Variants in RAB5B observed in about 807,000 individuals in gnomAD.
RAB5B encodes the protein RAB5B, member RAS oncogene family, also known as ras-related protein Rab-5B.
RAB5B carries 11 observed loss-of-function variants against 28.6 expected under a neutral mutation model. The observed-to-expected ratio is 0.38, with a 90% CI of 0.24 to 0.64. The LOEUF is 0.64. Ranked by LOEUF, RAB5B falls within the 30% of genes least tolerant of loss-of-function variation. RAB5B has a pLI of 0.53. For missense variants in RAB5B, 169 were observed against 265.6 expected (o/e 0.64, Z 2.53); for synonymous variants, 93 against 97.9 (o/e 0.95, Z 0.29).
rs1231043647 is a variant in RAB5B at position 55,990,670 on chromosome 12, A to G, written c.316-12A>G. 3.1e-6 allele frequency: 5 copies of G among 1,613,048 alleles called. No individual in the cohort carries two copies. The highest frequency in any genetic ancestry group is 4.2e-6 in the Non-Finnish European group (5 of 1,179,416). On this transcript the variant is annotated splice_polypyrimidine_tract_variant and intron_variant, in intron 3 of 5. Transcript: ENST00000360299. ...TCATTCCAGCCTACTCATTCTCTTC[A>G]TGTTTTCCTAGGAAACCTTTGCCCG...
At chr12:55,981,263 C>T (rs1283439061) in intron 1 of RAB5B, among the ~76,000 whole-genome samples, 1 of 152,082 alleles carries the variant, frequency 6.6e-6, no homozygotes, top group African/African-American at 2.4e-5. Context: ...AGGTTTTCAC[C>T]ACGTTGGCCA....
intron 1 of RAB5B, among the ~76,000 whole-genome samples, chr12:55,975,031 T>A (rs1176457603): frequency 1.3e-5 from 2 of 152,208 alleles, no homozygotes; most frequent in Admixed American, 6.5e-5. Context: ...TACTGTTTCA[T>A]GTCCTATGAA....
At chr12:55,990,160 AAC>A in intron 3 of RAB5B, 62 bp downstream of exon 3, 1 of 1,518,184 alleles carries the variant, frequency 6.6e-7, no homozygotes, top group South Asian at 1.2e-5. Context: ...CTATAATCCC[AAC>A]ACTTTAGGAT....
At chr12:55,987,742 A>G (rs1475154759) in intron 2 of RAB5B, among the ~76,000 whole-genome samples, 1 of 151,726 alleles carries the variant, frequency 6.6e-6, no homozygotes, top group Non-Finnish European at 1.5e-5. Flanking sequence ...AAGGCAGGAG[A>G]ATCACTTGAA....
rs1416713424 is a variant in RAB5B at position 55,995,105 on chromosome 12, T to TC, written c.*2893_*2894insC. 1.3e-5 allele frequency: 2 copies of TC among 152,040 alleles called. No homozygotes were observed. Among genetic ancestry groups the TC allele is most frequent in the Non-Finnish European group, 2.9e-5 (2 of 68,016 alleles). The allele number at this position is 152,040 out of a possible 1,614,324, so 9.4% of individuals were successfully genotyped here. A position where few individuals can be genotyped will look rare whatever the true frequency, so the allele number is the denominator to read the frequency against. ...ATGTATGTGCATATTTCTTTTTTTT[T>TC]TTTTAATTGAGACGGAGTCTCTGTC... On this transcript the variant is annotated 3_prime_UTR_variant, in exon 6 of 6. Transcript: ENST00000360299.
chr12:55,987,394 C>T (rs1272914886), intron 2 of RAB5B, among the ~76,000 whole-genome samples: 1 of 151,858 alleles, frequency 6.6e-6, no homozygotes, highest in Non-Finnish European at 1.5e-5. Context: ...AAACTCCTGA[C>T]CTCAGGTGAT....
chr12:55,986,075 C>T (rs1195513030), intron 1 of RAB5B, among the ~76,000 whole-genome samples: 1 of 152,158 alleles, frequency 6.6e-6, no homozygotes, highest in Non-Finnish European at 1.5e-5. Context: ...GCAGCAACTA[C>T]CCTTCTGCCC....
At chr12:55,991,208 A>C in intron 4 of RAB5B, 152 bp from the exon 5 acceptor site, 1 of 600,752 alleles carries the variant, frequency 1.7e-6, no homozygotes, top group Non-Finnish European at 3.0e-6. Context: ...AGTTGTCATT[A>C]AATTATGCAT....
Position 55,991,389 on chromosome 12 carries a change from C to A in RAB5B, c.468C>A (p.Ser156Arg), listed in dbSNP as rs1252665773. ...CCCAGGCATATGCAGATGACAACAGCTTATTGTTCATGGAGACTTCAGCCA... is the reference window on the plus strand; with the variant it reads ...CCCAGGCATATGCAGATGACAACAGATTATTGTTCATGGAGACTTCAGCCA... ...EEAQAYADDN[S>R]LLFMETSAKT... Residue 156 changes from serine (S) to arginine (R), a missense_variant, in exon 5 of 6, where the codon AGC (serine) becomes AGA (arginine). Around this residue, in one of 3 missense-constraint regions of RAB5B, gnomAD observed 123 missense variants for 162.4 expected, o/e 0.76. Coordinates refer to ENST00000360299, the MANE Select transcript of RAB5B (RefSeq NM_002868.4). 6 of 1,613,914 alleles carry A rather than the reference C, an allele frequency of 3.7e-6. No individual in the cohort carries two copies. The highest frequency in any genetic ancestry group is 5.1e-6 in the Non-Finnish European group (6 of 1,179,934).
chr12:55,978,677 A>G (rs1221635829), intron 1 of RAB5B, among the ~76,000 whole-genome samples: 1 of 152,214 alleles, frequency 6.6e-6, no homozygotes, highest in Non-Finnish European at 1.5e-5. Context: ...ATTTTAAGAT[A>G]AACTCCCACT....
intron 1 of RAB5B, among the ~76,000 whole-genome samples, chr12:55,977,108 G>A (rs1345962198): frequency 6.6e-6 from 1 of 152,052 alleles, no homozygotes; most frequent in South Asian, 2.1e-4. Flanking sequence ...CAGAGTAGCT[G>A]GGATTACAGG....
intron 1 of RAB5B, among the ~76,000 whole-genome samples, chr12:55,974,541 G>C (rs887705603): frequency 6.6e-5 from 10 of 152,214 alleles, no homozygotes; most frequent in Non-Finnish European, 1.2e-4. Context: ...CCGAGCCCCG[G>C]GGGTGACTGG....
intron 2 of RAB5B, among the ~76,000 whole-genome samples, chr12:55,988,759 T>C (rs1890025888): frequency 6.6e-6 from 1 of 151,914 alleles, no homozygotes; most frequent in African/African-American, 2.4e-5. Context: ...CGCCTCGGCC[T>C]CCCAAAGTGC....
intron 1 of RAB5B, chr12:55,980,480 G>C: frequency 6.3e-7 from 1 of 1,592,226 alleles, no homozygotes. Context: ...GTCAGTACTG[G>C]GAGGCTTGTT....
intron 1 of RAB5B, among the ~76,000 whole-genome samples, chr12:55,979,709 T>A (rs186899642): frequency 1.6e-4 from 25 of 152,330 alleles, no homozygotes; most frequent in Admixed American, 5.2e-4. Context: ...AAGGAAGGCC[T>A]GGGTCTTCTT....
chr12:55,987,661 C>T (rs1028008591), intron 2 of RAB5B, among the ~76,000 whole-genome samples: 3 of 151,062 alleles, frequency 2.0e-5, no homozygotes, highest in Admixed American at 2.0e-4. Flanking sequence ...GAAATCCTGT[C>T]TCTACTAAAA....
chr12:55,983,630 C>T (rs1022479100), intron 1 of RAB5B, among the ~76,000 whole-genome samples: 2 of 150,328 alleles, frequency 1.3e-5, no homozygotes, highest in African/African-American at 4.9e-5. Context: ...TGCTAACTTC[C>T]TCTTTACCCT....
At chr12:55,989,718 C>T (rs1199621504) in intron 2 of RAB5B, among the ~76,000 whole-genome samples, 1 of 152,174 alleles carries the variant, frequency 6.6e-6, no homozygotes, top group Non-Finnish European at 1.5e-5. Flanking sequence ...ATGATGTACC[C>T]CCATTCCTTA....
rs56291639 is a variant in RAB5B at position 55,996,003 on chromosome 12, A to ATTTTTTTTTTTTTT, written c.*3801_*3802insTTTTTTTTTTTTTT. On this transcript the variant is annotated 3_prime_UTR_variant, in exon 6 of 6. Transcript: ENST00000360299. ...TATATACATATATATATATATATAT[A>ATTTTTTTTTTTTTT]TTTTTTTTTTAACAACTGGTAGGAT... 2.1e-5 allele frequency: 2 copies of ATTTTTTTTTTTTTT among 97,428 alleles called. No homozygotes were observed. The highest frequency in any genetic ancestry group is 9.5e-5 in the African/African-American group (2 of 21,118). The allele number at this position is 97,428 out of a possible 1,614,324, so 6.0% of individuals were successfully genotyped here. A position where few individuals can be genotyped will look rare whatever the true frequency, so the allele number is the denominator to read the frequency against.
Sources: allele counts gnomAD v4.1 joint callset (sites outside exome capture counted in the v4.1 genomes callset), GRCh38; gene constraint gnomAD v4.1.1; regional missense constraint gnomAD v4.1.1; transcripts MANE v1.5; gene names NCBI Gene and HGNC (gene_info 2026-07-23, HGNC 2026-07-21).